TBL1XR1: variants seen among roughly 807,000 people sequenced by gnomAD.
TBL1XR1 encodes the protein TBL1X/Y related 1, also known as F-box-like/WD repeat-containing protein TBL1XR1.
In TBL1XR1, 5 loss-of-function variants were observed where a neutral mutation model predicts 66.9. The ratio of observed to expected loss-of-function variants is 0.07; its 90% CI spans 0.04 to 0.16. TBL1XR1 has a LOEUF of 0.16. Among genes scored for constraint, TBL1XR1 ranks in the 10% least tolerant of loss-of-function variants. The probability of loss-of-function intolerance (pLI) is 1.00; values close to 1 mark genes in which losing one functional copy is unlikely to be tolerated. For missense variants in TBL1XR1, 238 were observed against 623.2 expected, an observed-to-expected ratio of 0.38 and a Z score of 6.58; for synonymous variants, 210 against 206.0, an observed-to-expected ratio of 1.02 and a Z score of -0.17.
At chr3:177,060,132 G>A (rs893024543) in intron 3 of TBL1XR1, among the ~76,000 whole-genome samples, 2 of 152,108 alleles carry the variant, frequency 1.3e-5, no homozygotes, top group Non-Finnish European at 2.9e-5. Flanking sequence ...TCAACTTGCA[G>A]ACAGCCTATT....
chr3:177,195,635 G>A (rs1413745787), intron 1 of TBL1XR1: 1 of 151,544 alleles, frequency 6.6e-6, no homozygotes, highest in Non-Finnish European at 1.5e-5. Flanking sequence ...CACACCACGA[G>A]GGCCTTATTA....
intron 1 of TBL1XR1, among the ~76,000 whole-genome samples, chr3:177,101,344 A>G: frequency 6.6e-6 from 1 of 152,158 alleles, no homozygotes. Context: ...CTTGGTTAAA[A>G]CTGGGTAATA....
chr3:177,101,205 T>C (rs546468633), intron 1 of TBL1XR1, among the ~76,000 whole-genome samples: 57 of 152,264 alleles, frequency 3.7e-4, no homozygotes, highest in African/African-American at 1.1e-3. Context: ...GATTAGATCA[T>C]AGCAAGTGAA....
intron 1 of TBL1XR1, among the ~76,000 whole-genome samples, chr3:177,152,401 C>T (rs147428316): frequency 1.8e-4 from 28 of 152,112 alleles, no homozygotes; most frequent in African/African-American, 6.5e-4. Context: ...CTGCAACGTC[C>T]GCCTCCTGGG....
rs761647251 is a variant in TBL1XR1 at position 177,189,649 on chromosome 3, C to CAAAAAAAAAAAAAAAAAAAAAAAA, written c.-122+7471_-122+7472insTTTTTTTTTTTTTTTTTTTTTTTT. On this transcript the variant is annotated intron_variant, in intron 1 of 15. Coordinates refer to ENST00000457928, the MANE Select transcript of TBL1XR1 (RefSeq NM_024665.7). ...TGGGAGACAGAGCAAGACTCCATCTCAAAAAAAAAAAAAAAAGAAGGATGT... is the reference window on the plus strand; with the variant it reads ...TGGGAGACAGAGCAAGACTCCATCTCAAAAAAAAAAAAAAAAAAAAAAAAAAAAAAAAAAAAAAAAGAAGGATGT... Among the ~76,000 whole-genome samples the CAAAAAAAAAAAAAAAAAAAAAAAA allele has an allele frequency of 1.8e-3, 83 of 45,148 alleles. 3 individuals are homozygous for CAAAAAAAAAAAAAAAAAAAAAAAA. Among genetic ancestry groups the CAAAAAAAAAAAAAAAAAAAAAAAA allele is most frequent in the African/African-American group, 6.6e-3 (76 of 11,554 alleles). 29.6% of individuals were successfully genotyped at this position (45,148 alleles called of 152,430 possible). A position where few individuals can be genotyped will look rare whatever the true frequency, so the allele number is the denominator to read the frequency against.
At chr3:177,046,447 A>G (rs2108475174) in intron 9 of TBL1XR1, among the ~76,000 whole-genome samples, 1 of 152,294 alleles carries the variant, frequency 6.6e-6, no homozygotes, top group South Asian at 2.1e-4. Context: ...AGGGCCAGGC[A>G]TTATACTAGA....
intron 1 of TBL1XR1, among the ~76,000 whole-genome samples, chr3:177,162,515 G>C (rs1732342028): frequency 6.6e-6 from 1 of 152,194 alleles, no homozygotes; most frequent in Non-Finnish European, 1.5e-5. Flanking sequence ...AAGATGGAGA[G>C]AAGGAAAAAC....
intron 1 of TBL1XR1, among the ~76,000 whole-genome samples, chr3:177,187,266 C>T (rs1577429144): frequency 6.6e-6 from 1 of 151,298 alleles, no homozygotes; most frequent in African/African-American, 2.4e-5. Flanking sequence ...TGGTGGCGGG[C>T]GCCTGCAATC....
At chr3:177,029,879 C>G (rs1016065198) in intron 14 of TBL1XR1, among the ~76,000 whole-genome samples, 9 of 151,952 alleles carry the variant, frequency 5.9e-5, no homozygotes, top group Non-Finnish European at 1.0e-4. Flanking sequence ...AACTAATTGA[C>G]AATCAAGAAA....
chr3:177,038,346 T>C lies in TBL1XR1; in HGVS notation c.1014A>G (p.Gln338=). 6.3e-7 allele frequency: 1 copy of C among 1,593,798 alleles called. No homozygotes were observed. The change falls in exon 11 of 16, where the codon CAA becomes CAG. Residue 338 remains glutamine, a synonymous_variant. Transcript: ENST00000457928. ...DMCIHVCKLG[Q]DRPIKTFQGH... is the part of the protein sequence containing the mutation. The stretch of plus-strand genomic sequence containing the variant: ...CTTGGAATGTTTTAATAGGTCTGTC[T>C]TGTCCTAATTTACAGACATGAATGC...
intron 2 of TBL1XR1, among the ~76,000 whole-genome samples, chr3:177,086,768 C>A (rs912360874): frequency 6.6e-6 from 1 of 151,370 alleles, no homozygotes; most frequent in East Asian, 2.0e-4. Flanking sequence ...GTTTTATCAA[C>A]CCACCCAATC....
chr3:177,024,713 G>GAAAAAAAAAAAAAAAAAAAGA lies in TBL1XR1; in HGVS notation c.*784_*785insTCTTTTTTTTTTTTTTTTTTT, dbSNP rs148659524. 1 of 85,374 alleles carries GAAAAAAAAAAAAAAAAAAAGA rather than the reference G, an allele frequency of 1.2e-5. No individual in the cohort carries two copies. The highest frequency in any genetic ancestry group is 4.2e-5 in the African/African-American group (1 of 23,754). 5.3% of individuals were successfully genotyped at this position (85,374 alleles called of 1,614,324 possible). On this transcript the variant is annotated 3_prime_UTR_variant, in exon 16 of 16. Transcript: ENST00000457928. ...AGCCACATCACCAAAAAACAAAAAAGAAAAAAAAAAAAAAAAAGCAAAACA... is the reference window on the plus strand; with the variant it reads ...AGCCACATCACCAAAAAACAAAAAAGAAAAAAAAAAAAAAAAAAAGAAAAAAAAAAAAAAAAAAGCAAAACA...
chr3:177,080,346 T>C (rs2108601324), intron 2 of TBL1XR1, among the ~76,000 whole-genome samples: 1 of 152,140 alleles, frequency 6.6e-6, no homozygotes, highest in East Asian at 1.9e-4. Flanking sequence ...CCCAAGTAAA[T>C]CTAGAAAATA....
In TBL1XR1 at chr3:177,051,605, G is replaced by A. The variant is rs2108496922; in HGVS notation, c.326C>T (p.Ala109Val). 6.2e-7 allele frequency: 1 copy of A among 1,613,516 alleles called. No homozygotes were observed. The highest frequency in any genetic ancestry group is 8.5e-7 in the Non-Finnish European group (1 of 1,179,682). ...YRDKLAQQQA[A>V]AAAAAAAAAS... is the part of the protein sequence containing the mutation. ...TGCAGCTGCGGCAGCTGCAGCAGCT[G>A]CTGCCTGTTGCTGTGCAAGCTTATC... The change falls in exon 5 of 16, where the codon GCA (alanine) becomes GTA (valine). Residue 109 changes from alanine (A) to valine (V), a missense_variant. By Grantham distance (64) the Ala-to-Val change is moderately conservative (BLOSUM62 0). This residue lies in a region of TBL1XR1 where 80 missense variants were observed against 100.5 expected (regional missense o/e 0.80). Transcript: ENST00000457928.
intron 3 of TBL1XR1, among the ~76,000 whole-genome samples, chr3:177,055,196 T>C (rs1292957525): frequency 2.0e-5 from 3 of 152,136 alleles, no homozygotes; most frequent in Admixed American, 6.5e-5. Context: ...AATGTCTTTT[T>C]TGGATTTTGT....
At chr3:177,100,661 G>A (rs769255545) in intron 1 of TBL1XR1, among the ~76,000 whole-genome samples, 1 of 152,150 alleles carries the variant, frequency 6.6e-6, no homozygotes, top group Non-Finnish European at 1.5e-5. Flanking sequence ...CTGACCTCAA[G>A]TGATCCACAC....
chr3:177,189,425 G>T (rs1477494189), intron 1 of TBL1XR1, among the ~76,000 whole-genome samples: 3 of 151,674 alleles, frequency 2.0e-5, no homozygotes, highest in Admixed American at 1.3e-4. Flanking sequence ...GGCCAAGGTG[G>T]GTGGATCACC....
At chr3:177,164,974 G>A (rs1053040526) in intron 1 of TBL1XR1, among the ~76,000 whole-genome samples, 20 of 150,918 alleles carry the variant, frequency 1.3e-4, no homozygotes, top group Admixed American at 1.2e-3. Context: ...TTTTTTTACC[G>A]TGGCAAAGAA....
chr3:177,186,192 C>A (rs1484493404), intron 1 of TBL1XR1, among the ~76,000 whole-genome samples: 3 of 152,044 alleles, frequency 2.0e-5, no homozygotes, highest in Admixed American at 6.6e-5. Context: ...GCACTCCTAA[C>A]CCCAGTCTGT....
Sources: gnomAD v4.1 joint callset for allele counts (sites outside exome capture counted in the v4.1 genomes callset) on GRCh38, gnomAD v4.1.1 for gene constraint, gnomAD v4.1.1 regional missense constraint, MANE v1.5 for transcripts, NCBI Gene and HGNC (gene_info 2026-07-23, HGNC 2026-07-21) for gene names.